Variants in IGF2BP3 observed in about 807,000 individuals in gnomAD.
The protein encoded by IGF2BP3 is insulin-like growth factor 2 mRNA-binding protein 3.
In IGF2BP3, 9 loss-of-function variants were observed where a neutral mutation model predicts 73.8. The observed-to-expected ratio is 0.12, with a 90% CI of 0.07 to 0.21. The LOEUF (loss-of-function observed/expected upper bound fraction) is 0.21. Ranked by LOEUF, IGF2BP3 falls within the 10% of genes least tolerant of loss-of-function variation. The pLI is 1.00. For synonymous variants in IGF2BP3, 258 were observed against 256.7 expected (o/e 1.01, Z -0.05); for missense variants, 542 against 714.0 (o/e 0.76, Z 2.75).
At chr7:23,313,838 T>G (rs1723684582) in intron 12 of IGF2BP3, among the ~76,000 whole-genome samples, 185 bp from the exon 13 acceptor site, 1 of 152,208 alleles carries the variant, frequency 6.6e-6, no homozygotes, top group Non-Finnish European at 1.5e-5. Context: ...CAATAACTAC[T>G]GCCCATCACA....
chr7:23,470,135 A>T lies in IGF2BP3; in HGVS notation c.-25T>A, dbSNP rs1448522799. 1.9e-6 allele frequency: 3 copies of T among 1,564,306 alleles called. No homozygotes were observed. Among genetic ancestry groups the T allele is most frequent in the African/African-American group, 2.8e-5 (2 of 72,438 alleles). ...TTGTGAAGAGTGGTTGTTTAAAAAA[A>T]AATAACGAGAAAAAACGAAAAATTA... On this transcript the variant is annotated 5_prime_UTR_variant, in exon 1 of 15. Transcript: ENST00000258729.
intron 6 of IGF2BP3, among the ~76,000 whole-genome samples, chr7:23,348,322 T>A (rs1383809621): frequency 2.0e-5 from 3 of 152,222 alleles, no homozygotes; most frequent in African/African-American, 4.8e-5. Context: ...CTCAAAATGA[T>A]GTTTAATTTC....
At chr7:23,437,201 G>A (rs891029818) in intron 2 of IGF2BP3, among the ~76,000 whole-genome samples, 5 of 152,016 alleles carry the variant, frequency 3.3e-5, no homozygotes, top group South Asian at 2.1e-4. Flanking sequence ...AAAATTATCG[G>A]CCAGGCATGG....
intron 3 of IGF2BP3, among the ~76,000 whole-genome samples, chr7:23,400,844 G>A (rs1338358695): frequency 1.3e-5 from 2 of 152,230 alleles, no homozygotes; most frequent in Non-Finnish European, 2.9e-5. Flanking sequence ...CTGTGGCCTA[G>A]GCTGGAGTGC....
At chr7:23,436,046 A>G (rs1255819520) in intron 2 of IGF2BP3, among the ~76,000 whole-genome samples, 1 of 152,220 alleles carries the variant, frequency 6.6e-6, no homozygotes, top group Non-Finnish European at 1.5e-5. Context: ...CATGAGCCAC[A>G]TGCCCGGCCA....
At chr7:23,457,139 A>G (rs1405410273) in intron 2 of IGF2BP3, among the ~76,000 whole-genome samples, 1 of 152,066 alleles carries the variant, frequency 6.6e-6, no homozygotes, top group Non-Finnish European at 1.5e-5. Flanking sequence ...TGACATAACA[A>G]TTCCCAGTTT....
chr7:23,345,552 TCCTGCATTCCTAAC>T (rs1309767943), intron 8 of IGF2BP3, among the ~76,000 whole-genome samples: 1 of 152,362 alleles, frequency 6.6e-6, no homozygotes, highest in South Asian at 2.1e-4. Flanking sequence ...GCTAAGCTGC[TCCTGCATTCCTAAC>T]CCACAAAAAC....
intron 3 of IGF2BP3, among the ~76,000 whole-genome samples, chr7:23,376,143 CACAGCTA>C (rs1400477030): frequency 6.6e-6 from 1 of 152,206 alleles, no homozygotes; most frequent in Non-Finnish European, 1.5e-5. Flanking sequence ...GCAAAGGAAT[CACAGCTA>C]ACAGATGCTA....
At chr7:23,442,973 T>C (rs1242021092) in intron 2 of IGF2BP3, among the ~76,000 whole-genome samples, 2 of 152,152 alleles carry the variant, frequency 1.3e-5, no homozygotes, top group Non-Finnish European at 2.9e-5. Context: ...TTAGTGAAAT[T>C]TCAGTATCTT....
chr7:23,445,147 T>C (rs1788030948), intron 2 of IGF2BP3, among the ~76,000 whole-genome samples: 1 of 152,210 alleles, frequency 6.6e-6, no homozygotes, highest in Non-Finnish European at 1.5e-5. Context: ...GATGCTCACA[T>C]ATACATGTAA....
At chr7:23,371,692 C>T (rs949537966) in intron 3 of IGF2BP3, among the ~76,000 whole-genome samples, 18 of 152,308 alleles carry the variant, frequency 1.2e-4, no homozygotes, top group South Asian at 6.2e-4. Flanking sequence ...CCTTTATCAT[C>T]GAAAAGCCCC....
intron 3 of IGF2BP3, among the ~76,000 whole-genome samples, chr7:23,369,497 CA>C (rs1785482819): frequency 6.6e-6 from 1 of 152,160 alleles, no homozygotes; most frequent in African/African-American, 2.4e-5. Context: ...TTTCTCTTTA[CA>C]AAAGAACCTA....
intron 2 of IGF2BP3, among the ~76,000 whole-genome samples, chr7:23,434,661 A>C (rs747128635): frequency 1.3e-5 from 2 of 152,176 alleles, no homozygotes; most frequent in South Asian, 2.1e-4. Context: ...CCCAAGATAT[A>C]ATTTCACTAG....
intron 2 of IGF2BP3, among the ~76,000 whole-genome samples, chr7:23,420,117 TAAAAA>T (rs1435464355): frequency 6.6e-6 from 1 of 152,138 alleles, no homozygotes; most frequent in Non-Finnish European, 1.5e-5. Context: ...AACTAGCTAT[TAAAAA>T]CAAAACAAAA....
At chr7:23,327,678 T>G (rs745364358) in intron 10 of IGF2BP3, among the ~76,000 whole-genome samples, 1 of 152,144 alleles carries the variant, frequency 6.6e-6, no homozygotes, top group Non-Finnish European at 1.5e-5. Flanking sequence ...TAAGCCGTTT[T>G]CAAAAATCAG....
intron 2 of IGF2BP3, among the ~76,000 whole-genome samples, chr7:23,439,283 T>C (rs1031940454): frequency 6.6e-6 from 1 of 151,782 alleles, no homozygotes; most frequent in African/African-American, 2.4e-5. Flanking sequence ...CCGGGCACGG[T>C]GGCTCACGCC....
intron 10 of IGF2BP3, among the ~76,000 whole-genome samples, chr7:23,319,991 A>G (rs1583877703): frequency 6.6e-6 from 1 of 151,360 alleles, no homozygotes; most frequent in East Asian, 1.9e-4. Flanking sequence ...GCTCACTGCA[A>G]CCTCCACCTC....
At chr7:23,447,220 C>T (rs1167615253) in intron 2 of IGF2BP3, among the ~76,000 whole-genome samples, 1 of 151,974 alleles carries the variant, frequency 6.6e-6, no homozygotes. Context: ...CACACAGCCT[C>T]ACCTGATGCT....
chr7:23,367,717 A>G (rs1228471503), intron 3 of IGF2BP3, among the ~76,000 whole-genome samples: 2 of 152,006 alleles, frequency 1.3e-5, no homozygotes, highest in East Asian at 3.9e-4. Flanking sequence ...AAGTTCATCC[A>G]CGGCTGGGCG....
Sources: allele counts gnomAD v4.1 joint callset (sites outside exome capture counted in the v4.1 genomes callset), GRCh38; gene constraint gnomAD v4.1.1; transcripts MANE v1.5; gene names NCBI Gene and HGNC (gene_info 2026-07-23, HGNC 2026-07-21).